The following HKDC1 variants were observed in gnomAD, a reference collection of about 807,000 sequenced individuals.
HKDC1 encodes the protein hexokinase domain containing 1.
A neutral mutation model predicts 96.6 loss-of-function variants in HKDC1; 66 were observed. The ratio of observed to expected loss-of-function variants is 0.68; its 90% CI spans 0.56 to 0.84. HKDC1 has a LOEUF of 0.84. Among genes scored for constraint, HKDC1 ranks in the 40% least tolerant of loss-of-function variants. HKDC1 has a pLI of 0.00. For missense variants in HKDC1, 1,211 were observed against 1,208.1 expected (o/e 1.00, Z -0.04); for synonymous variants, 466 against 473.1 (o/e 0.98, Z 0.20).
At chr10:69,257,011 AT>A (rs1843726454) in intron 12 of HKDC1, 24 bp from the exon 13 acceptor site, 2 of 1,584,784 alleles carry the variant, frequency 1.3e-6, no homozygotes. Context: ...TATTGCTCAA[AT>A]GAATTTCCCC....
chr10:69,231,814 C>A (rs1331074005), intron 2 of HKDC1, among the ~76,000 whole-genome samples: 1 of 152,212 alleles, frequency 6.6e-6, no homozygotes, highest in African/African-American at 2.4e-5. Flanking sequence ...AGCAAGACAG[C>A]ATCTGGGAGA....
chr10:69,226,928 G>A (rs557569107), intron 1 of HKDC1, among the ~76,000 whole-genome samples: 2 of 152,246 alleles, frequency 1.3e-5, no homozygotes, highest in Non-Finnish European at 2.9e-5. Flanking sequence ...CCTCTCCCTT[G>A]TCTCATCAGA....
intron 6 of HKDC1, among the ~76,000 whole-genome samples, chr10:69,241,748 G>A (rs1843459673): frequency 6.6e-6 from 1 of 152,318 alleles, no homozygotes; most frequent in African/African-American, 2.4e-5. Flanking sequence ...GTCTCCCAAA[G>A]TGCTGGGATT....
chr10:69,262,402 A>C (rs1478655907), intron 16 of HKDC1, among the ~76,000 whole-genome samples: 1 of 151,566 alleles, frequency 6.6e-6, no homozygotes, highest in Non-Finnish European at 1.5e-5. Context: ...GTATTTCACC[A>C]TGGGCGCAGT....
intron 2 of HKDC1, 91 bp from the exon 3 acceptor site, chr10:69,232,673 G>C (rs1425511017): frequency 1.0e-5 from 12 of 1,180,836 alleles, no homozygotes; most frequent in Middle Eastern, 2.5e-4. Flanking sequence ...GTGATTTGAA[G>C]ACGTTGATTA....
intron 9 of HKDC1, 135 bp downstream of exon 9, chr10:69,247,728 A>G: frequency 1.4e-6 from 1 of 695,418 alleles, no homozygotes; most frequent in South Asian, 1.9e-5. Flanking sequence ...TTACAAGGGA[A>G]AAGGTGAATC....
chr10:69,266,509 C>A, intron 17 of HKDC1, 101 bp from the exon 18 acceptor site: 10 of 1,284,544 alleles, frequency 7.8e-6, no homozygotes, highest in South Asian at 6.2e-5. Context: ...CCTTGAAAAG[C>A]AAACCAAAGG....
At chr10:69,266,578 G>T (rs1436558014) in intron 17 of HKDC1, 32 bp from the exon 18 acceptor site, 1 of 1,607,834 alleles carries the variant, frequency 6.2e-7, no homozygotes, top group Admixed American at 1.7e-5. Flanking sequence ...CTACATGGAA[G>T]GGCTGATGAT....
Position 69,239,007 on chromosome 10 carries a change from C to T in HKDC1, c.496-35C>T, listed in dbSNP as rs376949359. 1.5e-3 allele frequency: 2,296 copies of T among 1,509,298 alleles called. 44 individuals carry two copies. In the South Asian group the frequency reaches 0.025, roughly 16 times the overall value. 93.5% of individuals were successfully genotyped at this position (1,509,298 alleles called of 1,614,324 possible). ...GGCTCAGTTGCACATCTCAGCACGT[C>T]TTTCATTCAAACTGGACCTGAAATC... On this transcript the variant is annotated intron_variant, in intron 4 of 17. Transcript: ENST00000354624.
At position 69,246,159 on chromosome 10, in the gene HKDC1, T is replaced by G. The variant is rs765211552; in HGVS notation, c.956T>G (p.Leu319Arg). 1 of 1,614,236 alleles carries G rather than the reference T, an allele frequency of 6.2e-7. No individual in the cohort carries two copies. Among genetic ancestry groups the G allele is most frequent in the South Asian group, 1.1e-5 (1 of 91,082 alleles). ...ILLKMAKAGL[L>R]FGGEKSSALH... ...CTGAAGATGGCCAAGGCTGGCCTCC[T>G]GTTTGGTGGTGAGAAATCTTCTGCT... Residue 319 changes from leucine (L) to arginine (R), a missense_variant, in exon 8 of 18, where the codon CTG becomes CGG. Transcript: ENST00000354624.
intron 4 of HKDC1, among the ~76,000 whole-genome samples, chr10:69,236,736 C>T (rs1452927011): frequency 2.7e-5 from 4 of 150,566 alleles, no homozygotes; most frequent in African/African-American, 4.9e-5. Flanking sequence ...GCTGAGATGG[C>T]GCCACTGCAC....
rs537367894 is a variant in HKDC1 at position 69,221,902 on chromosome 10, C to A, written c.63+1404C>A. ...CTCCAGCCTGGGTGACAGAGTGAGACCCTGTCTGAAAAAAAAAGGAAAGAA... is the reference window on the plus strand; with the variant it reads ...CTCCAGCCTGGGTGACAGAGTGAGAACCTGTCTGAAAAAAAAAGGAAAGAA... On this transcript the variant is annotated intron_variant, in intron 1 of 17. Coordinates refer to ENST00000354624, the MANE Select transcript of HKDC1 (RefSeq NM_025130.4). 6.6e-5 allele frequency among the ~76,000 whole-genome samples: 10 copies of A among 151,382 alleles called. 1 individual carries two copies. In the South Asian group the frequency reaches 1.7e-3, roughly 25 times the overall value.
chr10:69,239,480 T>C (rs1165799950), intron 5 of HKDC1, among the ~76,000 whole-genome samples: 1 of 152,220 alleles, frequency 6.6e-6, no homozygotes, highest in African/African-American at 2.4e-5. Context: ...GAAAAGATCA[T>C]ATACTTTCCG....
chr10:69,236,120 A>ATT (rs11341726), intron 4 of HKDC1, among the ~76,000 whole-genome samples: 72 of 138,606 alleles, frequency 5.2e-4, no homozygotes, highest in African/African-American at 1.7e-3. Flanking sequence ...AAGCATTTTG[A>ATT]TTTTTTTTTT....
chr10:69,255,647 C>T (rs1041479067), intron 12 of HKDC1, among the ~76,000 whole-genome samples: 4 of 152,088 alleles, frequency 2.6e-5, no homozygotes, highest in Admixed American at 1.3e-4. Context: ...CTGGGCACAT[C>T]GGCTCACCCC....
chr10:69,223,937 A>G (rs1369152052), intron 1 of HKDC1, among the ~76,000 whole-genome samples: 1 of 149,752 alleles, frequency 6.7e-6, no homozygotes, highest in Non-Finnish European at 1.5e-5. Flanking sequence ...GGCTGGATGA[A>G]GTGGCTCATG....
intron 10 of HKDC1, among the ~76,000 whole-genome samples, 154 bp from the exon 11 acceptor site, chr10:69,250,136 C>T (rs748911750): frequency 1.3e-5 from 2 of 152,162 alleles, no homozygotes; most frequent in Admixed American, 6.5e-5. Flanking sequence ...GCCCGGGGCC[C>T]GGGCACTGTG....
chr10:69,235,722 T>G (rs911102714), intron 4 of HKDC1, among the ~76,000 whole-genome samples: 1 of 152,184 alleles, frequency 6.6e-6, no homozygotes, highest in Non-Finnish European at 1.5e-5. Context: ...TAAATGCACA[T>G]GCTTTCTTGA....
chr10:69,263,263 TA>T (rs1474274708), intron 16 of HKDC1, among the ~76,000 whole-genome samples: 1 of 152,122 alleles, frequency 6.6e-6, no homozygotes, highest in Non-Finnish European at 1.5e-5. Flanking sequence ...CACACCTAGC[TA>T]ATTTTTGTAT....
Sources: gnomAD v4.1 joint callset for allele counts (sites outside exome capture counted in the v4.1 genomes callset) on GRCh38, gnomAD v4.1.1 for gene constraint, MANE v1.5 for transcripts, NCBI Gene and HGNC (gene_info 2026-07-23, HGNC 2026-07-21) for gene names.